STAU2: variants seen among roughly 807,000 people sequenced by gnomAD.
The protein encoded by STAU2 is staufen double-stranded RNA binding protein 2, also known as double-stranded RNA-binding protein Staufen homolog 2.
A neutral mutation model predicts 65.9 loss-of-function variants in STAU2; 20 were observed. The ratio of observed to expected loss-of-function variants is 0.30; its 90% CI spans 0.21 to 0.44. The LOEUF (loss-of-function observed/expected upper bound fraction) is 0.44. STAU2 is among the 20% of genes least tolerant of loss of function. The pLI, the probability that STAU2 is intolerant of heterozygous loss-of-function variation, is 1.00. For missense variants in STAU2, 558 were observed against 683.9 expected, an observed-to-expected ratio of 0.82 and a Z score of 2.05; for synonymous variants, 232 against 233.9, an observed-to-expected ratio of 0.99 and a Z score of 0.07.
chr8:73,747,379 G>A (rs1191983679), upstream of STAU2: 5 of 1,535,232 alleles, frequency 3.3e-6, no homozygotes, highest in Admixed American at 3.9e-5. Flanking sequence ...CTGATTCCCC[G>A]CTCGTACCTT....
intron 13 of STAU2, among the ~76,000 whole-genome samples, chr8:73,492,616 T>C (rs78482028): frequency 1.6e-3 from 239 of 151,984 alleles, no homozygotes; most frequent in African/African-American, 5.2e-3. Context: ...AATTCACTGA[T>C]TCTTGTTATT....
intron 13 of STAU2, among the ~76,000 whole-genome samples, chr8:73,441,915 TA>T (rs1462078138): frequency 6.6e-6 from 1 of 152,264 alleles, no homozygotes; most frequent in Non-Finnish European, 1.5e-5. Context: ...CAAACTTTAA[TA>T]TTTTTTTCTA....
At chr8:73,564,151 T>G (rs1449997495) in intron 12 of STAU2, among the ~76,000 whole-genome samples, 1 of 152,172 alleles carries the variant, frequency 6.6e-6, no homozygotes, top group Non-Finnish European at 1.5e-5. Flanking sequence ...TCCAACATTT[T>G]ACGTTTTCAG....
At chr8:73,438,303 T>A (rs1384258255) in intron 13 of STAU2, among the ~76,000 whole-genome samples, 1 of 152,118 alleles carries the variant, frequency 6.6e-6, no homozygotes, top group Non-Finnish European at 1.5e-5. Flanking sequence ...TTCCATGGCA[T>A]GTGTCCCAGC....
chr8:73,647,332 T>A (rs992841169), intron 6 of STAU2, among the ~76,000 whole-genome samples: 2 of 152,046 alleles, frequency 1.3e-5, no homozygotes, highest in Non-Finnish European at 2.9e-5. Context: ...AAACAAAACA[T>A]CCCTCAATAG....
chr8:73,508,147 G>A (rs532087991), intron 13 of STAU2, among the ~76,000 whole-genome samples: 3 of 152,124 alleles, frequency 2.0e-5, no homozygotes, highest in Non-Finnish European at 4.4e-5. Context: ...CTTTTCTTCT[G>A]TACCCACAAC....
chr8:73,630,114 C>T (rs932492295), intron 6 of STAU2, among the ~76,000 whole-genome samples: 1 of 152,182 alleles, frequency 6.6e-6, no homozygotes, highest in Non-Finnish European at 1.5e-5. Flanking sequence ...TAACGTTAAA[C>T]AATTTATAAT....
intron 12 of STAU2, among the ~76,000 whole-genome samples, chr8:73,578,614 T>A (rs537676418): frequency 6.6e-6 from 1 of 152,334 alleles, no homozygotes; most frequent in East Asian, 1.9e-4. Context: ...TGCTCCCAAT[T>A]GCTTCAGATA....
chr8:73,716,617 C>T (rs2130684333), intron 3 of STAU2, among the ~76,000 whole-genome samples: 1 of 152,104 alleles, frequency 6.6e-6, no homozygotes, highest in East Asian at 1.9e-4. Flanking sequence ...ATAATGATAC[C>T]TCGTGATTTT....
chr8:73,500,593 A>C (rs1450854683), intron 13 of STAU2, among the ~76,000 whole-genome samples: 1 of 151,944 alleles, frequency 6.6e-6, no homozygotes, highest in Non-Finnish European at 1.5e-5. Flanking sequence ...ACTTTAAAAA[A>C]ATAGAAGCTT....
chr8:73,599,790 G>T lies in STAU2; in HGVS notation c.1029+3936C>A, dbSNP rs138723824. Among the ~76,000 whole-genome samples, 89 of 151,150 alleles carry T rather than the reference G, an allele frequency of 5.9e-4. 1 individual carries two copies. The East Asian group carries it at 0.017, about 29-fold the overall frequency. ...CAGTACTTTTTTTTTTTTTGAGACG[G>T]AGTCTCGCTCTGTCACCCAGGTTCT... On this transcript the variant is annotated intron_variant, in intron 10 of 14. Coordinates refer to ENST00000524300, the MANE Select transcript of STAU2 (RefSeq NM_001164380.2).
At chr8:73,460,404 G>A (rs1472125394) in intron 13 of STAU2, among the ~76,000 whole-genome samples, 1 of 152,160 alleles carries the variant, frequency 6.6e-6, no homozygotes, top group Non-Finnish European at 1.5e-5. Flanking sequence ...AAACATGTAT[G>A]GTGAATTACT....
intron 6 of STAU2, among the ~76,000 whole-genome samples, chr8:73,671,438 A>G (rs1189809555): frequency 6.6e-6 from 1 of 152,106 alleles, no homozygotes; most frequent in Admixed American, 6.6e-5. Context: ...ACTACCAAAG[A>G]AGACAAAAAC....
At chr8:73,687,394 A>G (rs1563507091) in intron 5 of STAU2, among the ~76,000 whole-genome samples, 1 of 127,082 alleles carries the variant, frequency 7.9e-6, no homozygotes, top group Non-Finnish European at 1.6e-5. Context: ...TTATAAAAAT[A>G]ATATATTTAT....
At chr8:73,662,477 T>C (rs1228175075) in intron 6 of STAU2, among the ~76,000 whole-genome samples, 1 of 152,242 alleles carries the variant, frequency 6.6e-6, no homozygotes, top group Admixed American at 6.5e-5. Context: ...AAGAAATCTT[T>C]GTCTATTTCC....
intron 6 of STAU2, among the ~76,000 whole-genome samples, chr8:73,628,038 T>A (rs969148965): frequency 6.6e-6 from 1 of 152,140 alleles, no homozygotes; most frequent in Non-Finnish European, 1.5e-5. Context: ...TTCACACATA[T>A]ACTCTGCAGT....
chr8:73,677,186 T>C (rs1044740103), intron 5 of STAU2, among the ~76,000 whole-genome samples: 2 of 152,190 alleles, frequency 1.3e-5, no homozygotes, highest in Admixed American at 6.5e-5. Context: ...ATTACTATTA[T>C]ACCTCTCAGC....
intron 12 of STAU2, among the ~76,000 whole-genome samples, chr8:73,574,049 A>G (rs1347778461): frequency 2.6e-5 from 4 of 152,206 alleles, no homozygotes; most frequent in Non-Finnish European, 5.9e-5. Context: ...AACTTAAACA[A>G]ATTTACAAGA....
At chr8:73,634,451 C>T (rs1447445152) in intron 6 of STAU2, among the ~76,000 whole-genome samples, 2 of 152,028 alleles carry the variant, frequency 1.3e-5, no homozygotes, top group African/African-American at 4.8e-5. Context: ...TCATTTGAAC[C>T]TGGGAGGCAG....
Sources: gnomAD v4.1 joint callset for allele counts (sites outside exome capture counted in the v4.1 genomes callset) on GRCh38, gnomAD v4.1.1 for gene constraint, MANE v1.5 for transcripts, NCBI Gene and HGNC (gene_info 2026-07-23, HGNC 2026-07-21) for gene names.